PPME1: variants seen among roughly 807,000 people sequenced by gnomAD.
The protein encoded by PPME1 is testicular secretory protein Li 39.
Under a neutral mutation model 56.9 loss-of-function variants are expected in PPME1, and 17 were observed. That is an observed-to-expected ratio of 0.30 (90% CI 0.20 to 0.45). The LOEUF is 0.45. Ranked by LOEUF, PPME1 falls within the 20% of genes least tolerant of loss-of-function variation. The probability of loss-of-function intolerance (pLI) is 1.00; values close to 1 mark genes in which losing one functional copy is unlikely to be tolerated. For synonymous variants in PPME1, 122 were observed against 156.2 expected, an observed-to-expected ratio of 0.78 and a Z score of 1.63; for missense variants, 357 against 483.2, an observed-to-expected ratio of 0.74 and a Z score of 2.45.
intron 3 of PPME1, among the ~76,000 whole-genome samples, chr11:74,214,809 T>TA (rs1233681206): frequency 3.3e-5 from 5 of 152,158 alleles, no homozygotes; most frequent in African/African-American, 9.7e-5. Context: ...ACACCAGACT[T>TA]ACAAGAAATG....
chr11:74,184,290 TAACTG>T (rs966712764), intron 1 of PPME1, among the ~76,000 whole-genome samples: 2 of 152,216 alleles, frequency 1.3e-5, no homozygotes, highest in Non-Finnish European at 2.9e-5. Context: ...CTCTGTTAAT[TAACTG>T]AACTATATTA....
chr11:74,172,915 G>A (rs1031726643), intron 1 of PPME1, among the ~76,000 whole-genome samples: 2 of 152,162 alleles, frequency 1.3e-5, no homozygotes, highest in African/African-American at 4.8e-5. Context: ...GAGAGTAGGA[G>A]ATGCAGTACT....
intron 1 of PPME1, among the ~76,000 whole-genome samples, chr11:74,178,498 G>A: frequency 6.6e-6 from 1 of 152,212 alleles, no homozygotes; most frequent in South Asian, 2.1e-4. Flanking sequence ...TTCTGTTAGG[G>A]AAGAGAGAGT....
Position 74,225,224 on chromosome 11 carries a change from T to C in PPME1, c.366T>C (p.Asn122=). ...LRSHGETKVK[N]PEDLSAETMA... is the part of the protein sequence containing the mutation. ...TTTTAGGTGAAACAAAGGTCAAGAA[T>C]CCTGAAGATCTGTCTGCAGAAACAA... The change falls in exon 5 of 14, where the codon AAT becomes AAC. Residue 122 remains asparagine (N), a synonymous_variant. Transcript: ENST00000328257. 6.4e-7 allele frequency: 1 copy of C among 1,567,620 alleles called. No homozygotes were observed. Among genetic ancestry groups the C allele is most frequent in the Non-Finnish European group, 8.7e-7 (1 of 1,154,242 alleles).
chr11:74,182,342 T>C (rs908249968), intron 1 of PPME1, among the ~76,000 whole-genome samples: 4 of 152,198 alleles, frequency 2.6e-5, no homozygotes, highest in Non-Finnish European at 5.9e-5. Flanking sequence ...TACATTTCTT[T>C]TTTACATTTA....
At chr11:74,197,446 A>C (rs1858014701) in intron 1 of PPME1, among the ~76,000 whole-genome samples, 1 of 152,180 alleles carries the variant, frequency 6.6e-6, no homozygotes, top group African/African-American at 2.4e-5. Flanking sequence ...ATAATTTTAG[A>C]AAATGATTAG....
chr11:74,212,137 C>T (rs541988498), intron 3 of PPME1, among the ~76,000 whole-genome samples: 20 of 152,326 alleles, frequency 1.3e-4, no homozygotes, highest in South Asian at 8.3e-4. Flanking sequence ...GACATCACCC[C>T]TTCCCCATCT....
Position 74,246,152 on chromosome 11 carries a change from G to A in PPME1, c.911G>A (p.Gly304Asp), listed in dbSNP as rs972443191. ...AAATACTGGGACGGCTGGTTCCGAG[G>A]CTTATCCAATCTCTTTCTTAGTTGT... ...TEKYWDGWFR[G>D]LSNLFLSCPI... Residue 304 changes from glycine to aspartate, a missense_variant, in exon 10 of 14, where the codon GGC becomes GAC. By Grantham distance (94) the Gly-to-Asp change is moderately conservative. Transcript: ENST00000328257. 6.4e-7 allele frequency: 1 copy of A among 1,553,950 alleles called. No individual in the cohort carries two copies. The highest frequency in any genetic ancestry group is 1.2e-5 in the South Asian group (1 of 84,120).
At position 74,171,329 on chromosome 11, in the gene PPME1, C is replaced by G; in HGVS notation, c.-93C>G. Reference sequence around the variant, plus strand: ...GTGCTGTCCAAAGGCGACAGGGCGTCGTTAGGGGAGCGAGTCGTGACCGGT... The same window carrying G: ...GTGCTGTCCAAAGGCGACAGGGCGTGGTTAGGGGAGCGAGTCGTGACCGGT... On this transcript the variant is annotated 5_prime_UTR_variant, in exon 1 of 14. Transcript: ENST00000328257. 4.6e-6 allele frequency: 7 copies of G among 1,515,910 alleles called. No individual in the cohort carries two copies. The highest frequency in any genetic ancestry group is 6.2e-6 in the Non-Finnish European group (7 of 1,129,776). The allele number at this position is 1,515,910 out of a possible 1,614,324, so 93.9% of individuals were successfully genotyped here.
intron 1 of PPME1, among the ~76,000 whole-genome samples, chr11:74,201,489 A>G (rs1858165713): frequency 6.6e-6 from 1 of 152,232 alleles, no homozygotes; most frequent in African/African-American, 2.4e-5. Flanking sequence ...TTTCAGAAGC[A>G]TAAATGACAG....
At chr11:74,181,131 G>T (rs933191308) in intron 1 of PPME1, among the ~76,000 whole-genome samples, 1 of 142,474 alleles carries the variant, frequency 7.0e-6, no homozygotes. Flanking sequence ...TGCAAGCTCC[G>T]CTTCCCGGGT....
rs540875141 is a variant in PPME1 at position 74,222,253 on chromosome 11, G to A, written c.289-59G>A. Reference sequence around the variant, plus strand: ...GTTCATTTTACAAAGTTATCATTGGGAATTGGGTGAAATTTGTTATCCTAG... The same window carrying A: ...GTTCATTTTACAAAGTTATCATTGGAAATTGGGTGAAATTTGTTATCCTAG... On this transcript the variant is annotated intron_variant, in intron 3 of 13. Transcript: ENST00000328257. 38 of 1,294,128 alleles carry A rather than the reference G, an allele frequency of 2.9e-5. 1 individual carries two copies. In the East Asian group the frequency reaches 3.0e-4, roughly 10 times the overall value. 80.2% of individuals were successfully genotyped at this position (1,294,128 alleles called of 1,614,324 possible). A position where few individuals can be genotyped will look rare whatever the true frequency, so the allele number is the denominator to read the frequency against.
Position 74,171,297 on chromosome 11 carries a change from T to C in PPME1, c.-125T>C, listed in dbSNP as rs1321849542. 8.0e-6 allele frequency: 12 copies of C among 1,506,954 alleles called. No individual in the cohort carries two copies. Among genetic ancestry groups the C allele is most frequent in the Admixed American group, 2.0e-5 (1 of 49,240 alleles). The allele number at this position is 1,506,954 out of a possible 1,614,324, so 93.3% of individuals were successfully genotyped here. A position where few individuals can be genotyped will look rare whatever the true frequency, so the allele number is the denominator to read the frequency against. ...GGTGGGCGGTAGGCGGTGCTACGGG[T>C]AGCTGGGTGCTGTCCAAAGGCGACA... is the stretch of plus-strand genomic sequence containing the variant. On this transcript the variant is annotated 5_prime_UTR_variant, in exon 1 of 14. Transcript: ENST00000328257.
intron 1 of PPME1, chr11:74,198,875 TATC>T (rs1858066633): frequency 6.6e-6 from 1 of 152,196 alleles, no homozygotes; most frequent in South Asian, 2.1e-4. Flanking sequence ...TTTTCTAGGA[TATC>T]ATCCATGACT....
At chr11:74,201,501 A>T (rs1858166224) in intron 1 of PPME1, among the ~76,000 whole-genome samples, 1 of 152,234 alleles carries the variant, frequency 6.6e-6, no homozygotes, top group Non-Finnish European at 1.5e-5. Context: ...AAATGACAGC[A>T]TGAGAAGATA....
intron 1 of PPME1, among the ~76,000 whole-genome samples, chr11:74,173,697 A>C (rs1358307227): frequency 6.6e-6 from 1 of 152,056 alleles, no homozygotes; most frequent in Admixed American, 6.6e-5. Flanking sequence ...ATGCACCACC[A>C]CGCCCGGCTA....
chr11:74,187,106 A>G (rs753592175), intron 1 of PPME1, among the ~76,000 whole-genome samples: 18 of 152,228 alleles, frequency 1.2e-4, no homozygotes, highest in Non-Finnish European at 2.4e-4. Context: ...ATTGATTTAT[A>G]TATCGATCAG....
At chr11:74,175,671 C>G (rs1337853451) in intron 1 of PPME1, among the ~76,000 whole-genome samples, 1 of 152,162 alleles carries the variant, frequency 6.6e-6, no homozygotes, top group East Asian at 1.9e-4. Flanking sequence ...AGTCTTCCCA[C>G]TTCATCCTCT....
Position 74,239,171 on chromosome 11 carries a change from T to C in PPME1, c.749T>C (p.Ile250Thr), listed in dbSNP as rs1311813633. The C allele has an allele frequency of 2.5e-6, 4 of 1,613,322 alleles. No homozygotes were observed. Among genetic ancestry groups the C allele is most frequent in the Middle Eastern group, 1.6e-4 (1 of 6,084 alleles). Reference sequence around the variant, plus strand: ...ACAAGTCCAGAAGGCTCAAAATCTATAGTGGAAGGAATCATAGAGGAAGAA... The same window carrying C: ...ACAAGTCCAGAAGGCTCAAAATCTACAGTGGAAGGAATCATAGAGGAAGAA... ...GITSPEGSKSIVEGIIEEEEE... is the reference protein window; with the variant it reads ...GITSPEGSKSTVEGIIEEEEE... The change falls in exon 9 of 14, where the codon ATA becomes ACA. Residue 250 changes from isoleucine to threonine, a missense_variant. Physicochemically the swap from Ile to Thr is moderately conservative, Grantham distance 89. Coordinates refer to ENST00000328257, the MANE Select transcript of PPME1 (RefSeq NM_016147.3).
Sources: allele counts gnomAD v4.1 joint callset (sites outside exome capture counted in the v4.1 genomes callset), GRCh38; gene constraint gnomAD v4.1.1; transcripts MANE v1.5; gene names NCBI Gene and HGNC (gene_info 2026-07-23, HGNC 2026-07-21).